Variants in CKAP5 observed in about 807,000 individuals in gnomAD.
CKAP5 encodes cytoskeleton-associated protein 5.
Under a neutral mutation model 232.8 loss-of-function variants are expected in CKAP5, and 27 were observed. That is an observed-to-expected ratio of 0.12 (90% CI 0.09 to 0.16). The LOEUF is 0.16. Among genes scored for constraint, CKAP5 ranks in the 10% least tolerant of loss-of-function variants. The pLI is 1.00. For synonymous variants in CKAP5, 785 were observed against 841.1 expected, an observed-to-expected ratio of 0.93 and a Z score of 1.16; for missense variants, 1,838 against 2,424.7, an observed-to-expected ratio of 0.76 and a Z score of 5.08.
At chr11:46,774,476 T>C (rs1186089144) in intron 24 of CKAP5, among the ~76,000 whole-genome samples, 2 of 152,162 alleles carry the variant, frequency 1.3e-5, no homozygotes, top group Non-Finnish European at 2.9e-5. Context: ...TTCACAGAAT[T>C]AGAAAAAACT....
At chr11:46,795,865 TAAG>T (rs1457765520) in intron 12 of CKAP5, 89 bp from the exon 13 acceptor site, 1 of 1,161,752 alleles carries the variant, frequency 8.6e-7, no homozygotes. Flanking sequence ...CAACTACACA[TAAG>T]AATTCAGAGA....
intron 1 of CKAP5, among the ~76,000 whole-genome samples, chr11:46,841,403 G>A (rs989858607): frequency 2.0e-5 from 3 of 152,136 alleles, no homozygotes; most frequent in Non-Finnish European, 4.4e-5. Flanking sequence ...TTTCTGTATT[G>A]TGAGAGTATA....
At position 46,788,749 on chromosome 11, in the gene CKAP5, C is replaced by T. The variant is rs1288139338; in HGVS notation, c.1900G>A (p.Glu634Lys). 5 of 1,607,988 alleles carry T rather than the reference C, an allele frequency of 3.1e-6. No homozygotes were observed. The Admixed American group carries it at 8.6e-5, about 28-fold the overall frequency. The change falls in exon 16 of 44, where the codon GAA (glutamate) becomes AAA (lysine). Residue 634 changes from glutamate (E) to lysine (K), a missense_variant. Glu to Lys is a moderately conservative substitution (Grantham distance 56, BLOSUM62 1). Transcript: ENST00000529230. ...QKAVELMDRT[E>K]MPCQALVRML... Reference sequence around the variant, plus strand: ...CTCACTAATGCCTGGCATGGCATTTCAGTTCGGTCCATTAGCTCAACAGCC... The same window carrying T: ...CTCACTAATGCCTGGCATGGCATTTTAGTTCGGTCCATTAGCTCAACAGCC...
chr11:46,781,386 T>G (rs1470197798), intron 18 of CKAP5, among the ~76,000 whole-genome samples: 1 of 150,876 alleles, frequency 6.6e-6, no homozygotes, highest in Non-Finnish European at 1.5e-5. Flanking sequence ...TGATCTCCTC[T>G]CTGTCTTCTC....
At chr11:46,783,490 C>A in intron 17 of CKAP5, 122 bp from the exon 18 acceptor site, 1 of 609,646 alleles carries the variant, frequency 1.6e-6, no homozygotes, top group Non-Finnish European at 2.9e-6. Flanking sequence ...GCAAGAATGC[C>A]TTAGGAACAA....
At chr11:46,836,305 T>G (rs1037524567) in intron 1 of CKAP5, among the ~76,000 whole-genome samples, 2 of 152,260 alleles carry the variant, frequency 1.3e-5, no homozygotes, top group Non-Finnish European at 2.9e-5. Context: ...ACTTTTCTGT[T>G]GGAACAATCT....
Position 46,790,070 on chromosome 11 carries a change from C to A in CKAP5, c.1875+6G>T. 6.3e-7 allele frequency: 1 copy of A among 1,581,328 alleles called. No homozygotes were observed. ...CTTTCACACTCAATTCTTCCCTATG[C>A]ACTACCTTCTGGAACTCTTCCATAC... On this transcript the variant is annotated splice_donor_region_variant and intron_variant, in intron 15 of 43. Coordinates refer to ENST00000529230, the MANE Select transcript of CKAP5 (RefSeq NM_001008938.4).
chr11:46,796,490 G>A (rs933150099), intron 12 of CKAP5, among the ~76,000 whole-genome samples: 1 of 151,618 alleles, frequency 6.6e-6, no homozygotes, highest in Non-Finnish European at 1.5e-5. Flanking sequence ...ATCATAGCCT[G>A]GAATGAAACT....
In CKAP5 at chr11:46,808,433, C is replaced by T. The variant is rs967639032; in HGVS notation, c.865-289G>A. Among the ~76,000 whole-genome samples the T allele has an allele frequency of 3.9e-5, 6 of 152,168 alleles. No homozygotes were observed. The South Asian group carries it at 8.3e-4, about 21-fold the overall frequency. On this transcript the variant is annotated intron_variant, in intron 7 of 43. Transcript: ENST00000529230. ...GCAGGCACCTGCAGTCCCAGCTACT[C>T]GGGAGGCTGAGGCAGGAGAATGGCA...
chr11:46,804,595 T>C (rs1046589987), intron 8 of CKAP5, among the ~76,000 whole-genome samples: 19 of 152,178 alleles, frequency 1.2e-4, no homozygotes, highest in African/African-American at 4.1e-4. Context: ...TAATTATCAA[T>C]TGGTATTTAT....
At position 46,831,705 on chromosome 11, in the gene CKAP5, A is replaced by T. The variant is rs564311932; in HGVS notation, c.-37-10437T>A. Among the ~76,000 whole-genome samples, 5 of 151,764 alleles carry T rather than the reference A, an allele frequency of 3.3e-5. No homozygotes were observed. The South Asian group carries it at 1.0e-3, about 32-fold the overall frequency. On this transcript the variant is annotated intron_variant, in intron 1 of 43. Coordinates refer to ENST00000529230, the MANE Select transcript of CKAP5 (RefSeq NM_001008938.4). Reference sequence around the variant, plus strand: ...ACCACCACATCTGTCTAATTTTTAAATTTTTTTGTAGAGACAGGGTCTCAC... The same window carrying T: ...ACCACCACATCTGTCTAATTTTTAATTTTTTTTGTAGAGACAGGGTCTCAC...
chr11:46,839,199 T>C lies in CKAP5; in HGVS notation c.-38+7021A>G, dbSNP rs77874654. Among the ~76,000 whole-genome samples, 586 of 152,300 alleles carry C rather than the reference T, an allele frequency of 3.8e-3. 6 individuals are homozygous for C. Among genetic ancestry groups the C allele is most frequent in the Non-Finnish European group, 6.4e-3 (435 of 68,024 alleles). ...CTCTAATTCAGAGCTCAGAAAAGTG[T>C]CTCTTTAAGGAGATGACATTTAAGT... is the stretch of plus-strand genomic sequence containing the variant. On this transcript the variant is annotated intron_variant, in intron 1 of 43. Transcript: ENST00000529230.
chr11:46,744,494 C>T lies in CKAP5; in HGVS notation c.5788G>A (p.Val1930Met), dbSNP rs1304853264. ...SSIGNTNGEE[V>M]GPSVYLERLK... ...CTTTCCAAGTAGACAGATGGCCCCA[C>T]TTCTTCCCCATTTGTGTTACCTATG... Residue 1930 changes from valine (V) to methionine (M), a missense_variant, in exon 43 of 44, where the codon GTG (valine) becomes ATG (methionine). Coordinates refer to ENST00000529230, the MANE Select transcript of CKAP5 (RefSeq NM_001008938.4). 1 of 1,614,186 alleles carries T rather than the reference C, an allele frequency of 6.2e-7. No individual in the cohort carries two copies. The highest frequency in any genetic ancestry group is 8.5e-7 in the Non-Finnish European group (1 of 1,180,042).
chr11:46,840,529 T>C (rs551903882), intron 1 of CKAP5, among the ~76,000 whole-genome samples: 1 of 152,354 alleles, frequency 6.6e-6, no homozygotes, highest in African/African-American at 2.4e-5. Flanking sequence ...AGTTGTTTAT[T>C]ATTTTTAATT....
At chr11:46,778,012 C>T in intron 22 of CKAP5, 127 bp downstream of exon 22, 1 of 700,792 alleles carries the variant, frequency 1.4e-6, no homozygotes, top group Non-Finnish European at 2.4e-6. Context: ...AAATTAAAGG[C>T]AGCTATTTCT....
rs544346113 is a variant in CKAP5, at chr11:46,744,781, T to C, written c.5705-204A>G. On this transcript the variant is annotated intron_variant, in intron 42 of 43. Transcript: ENST00000529230. The stretch of plus-strand genomic sequence containing the variant: ...TTCTTGAGAATGCAAAAAACTGATA[T>C]AGAAAGGCAGAATGTAAATTGGGTC... Among the ~76,000 whole-genome samples, 14 of 152,174 alleles carry C rather than the reference T, an allele frequency of 9.2e-5. No individual in the cohort carries two copies. In the East Asian group the frequency reaches 2.1e-3, roughly 23 times the overall value.
At chr11:46,845,891 C>G (rs1003982198) in intron 1 of CKAP5, among the ~76,000 whole-genome samples, 2 of 152,098 alleles carry the variant, frequency 1.3e-5, no homozygotes, top group Admixed American at 1.3e-4. Context: ...GGCCCCCGCC[C>G]TAGTCTTGGT....
intron 16 of CKAP5, among the ~76,000 whole-genome samples, chr11:46,787,302 T>C (rs1003347203): frequency 2.0e-5 from 3 of 152,186 alleles, no homozygotes; most frequent in Admixed American, 1.3e-4. Flanking sequence ...CTAAACATCC[T>C]AGACAGAAAA....
Position 46,797,810 on chromosome 11 carries a change from G to C in CKAP5, c.1333C>G (p.Leu445Val), listed in dbSNP as rs771465640. The C allele has an allele frequency of 3.7e-6, 6 of 1,606,908 alleles. No homozygotes were observed. In the African/African-American group the frequency reaches 4.0e-5, roughly 11 times the overall value. Residue 445 changes from leucine to valine, a missense_variant, in exon 11 of 44, where the codon CTT becomes GTT. Around this residue, in one of 6 missense-constraint regions of CKAP5, gnomAD observed 767 missense variants for 954.6 expected, o/e 0.80. Coordinates refer to ENST00000529230, the MANE Select transcript of CKAP5 (RefSeq NM_001008938.4). ...SLLKPFCAAL[L>V]KHINDSAPEV... ...ACTTCAAAGAGAGTCTGTACCTTAAGTAGTGCAGCACAAAAGGGCTTTAGC... is the reference window on the plus strand; with the variant it reads ...ACTTCAAAGAGAGTCTGTACCTTAACTAGTGCAGCACAAAAGGGCTTTAGC...
Sources: gnomAD v4.1 joint callset for allele counts (sites outside exome capture counted in the v4.1 genomes callset) on GRCh38, gnomAD v4.1.1 for gene constraint, gnomAD v4.1.1 regional missense constraint, MANE v1.5 for transcripts, NCBI Gene and HGNC (gene_info 2026-07-23, HGNC 2026-07-21) for gene names.